The following DPP10 variants were observed in gnomAD, a reference collection of about 807,000 sequenced individuals.
DPP10 encodes inactive dipeptidyl peptidase 10.
A neutral mutation model predicts 120.9 loss-of-function variants in DPP10; 33 were observed. The ratio of observed to expected loss-of-function variants is 0.27; its 90% CI spans 0.21 to 0.37. The LOEUF is 0.37. Among genes scored for constraint, DPP10 ranks in the 10% least tolerant of loss-of-function variants. DPP10 has a pLI of 1.00. For missense variants in DPP10, 816 were observed against 942.8 expected, an observed-to-expected ratio of 0.87 and a Z score of 1.76; for synonymous variants, 337 against 326.1, an observed-to-expected ratio of 1.03 and a Z score of -0.36.
At chr2:115,241,380 G>GT (rs2058271803) in intron 1 of DPP10, among the ~76,000 whole-genome samples, 1 of 152,306 alleles carries the variant, frequency 6.6e-6, no homozygotes, top group South Asian at 2.1e-4. Context: ...CTTGGTAGTT[G>GT]TAAGTTTCTT....
rs560719185 is a variant in DPP10, at chr2:115,157,096, A to G, written c.61-152143A>G. On this transcript the variant is annotated intron_variant, in intron 1 of 25. Transcript: ENST00000410059. ...AGCAGGTAAATTTCTCACGTTCTCA[A>G]GTTGTTTTGGTGTTACAATTCAGCT... Among the ~76,000 whole-genome samples, 8 of 152,264 alleles carry G rather than the reference A, an allele frequency of 5.3e-5. No individual in the cohort carries two copies. The East Asian group carries it at 1.5e-3, about 29-fold the overall frequency.
rs780580969 is a variant in DPP10 at position 115,842,349 on chromosome 2, A to G, written c.*4A>G. ...GGAACCAGAAGAAGATGAATAATGG[A>G]CTGTATTTATACAGAACTGAAGGGA... is the stretch of plus-strand genomic sequence containing the variant. On this transcript the variant is annotated 3_prime_UTR_variant, in exon 26 of 26. Coordinates refer to ENST00000410059, the MANE Select transcript of DPP10 (RefSeq NM_020868.6). 1.9e-6 allele frequency: 3 copies of G among 1,613,458 alleles called. No homozygotes were observed. The highest frequency in any genetic ancestry group is 2.5e-6 in the Non-Finnish European group (3 of 1,179,728).
chr2:115,417,882 G>T (rs2069572943), intron 3 of DPP10, among the ~76,000 whole-genome samples: 1 of 152,152 alleles, frequency 6.6e-6, no homozygotes, highest in South Asian at 2.1e-4. Context: ...TCCGTCTGAT[G>T]TATTTCTCTT....
At chr2:115,211,239 T>TA (rs932343148) in intron 1 of DPP10, among the ~76,000 whole-genome samples, 3 of 11,820 alleles carry the variant, frequency 2.5e-4, no homozygotes, top group African/African-American at 5.6e-4. Context: ...GTCTTACTGA[T>TA]TTTTTTTTTT....
intron 1 of DPP10, among the ~76,000 whole-genome samples, chr2:114,970,396 T>G (rs1699315275): frequency 6.6e-6 from 1 of 152,170 alleles, no homozygotes; most frequent in African/African-American, 2.4e-5. Context: ...CCCCACCTTA[T>G]AAGAGTAAAA....
At chr2:114,976,644 A>G (rs1428825666) in intron 1 of DPP10, among the ~76,000 whole-genome samples, 1 of 152,220 alleles carries the variant, frequency 6.6e-6, no homozygotes, top group Non-Finnish European at 1.5e-5. Flanking sequence ...TGAAAACAGC[A>G]TACTTTTTCC....
intron 5 of DPP10, among the ~76,000 whole-genome samples, chr2:115,624,711 C>T (rs2085225704): frequency 6.6e-6 from 1 of 152,116 alleles, no homozygotes; most frequent in Non-Finnish European, 1.5e-5. Flanking sequence ...AATATAGTTA[C>T]CAACCTATAA....
intron 5 of DPP10, among the ~76,000 whole-genome samples, chr2:115,631,259 T>C (rs1426099818): frequency 6.6e-6 from 1 of 152,058 alleles, no homozygotes; most frequent in African/African-American, 2.4e-5. Flanking sequence ...CTTTAGGGTC[T>C]GTGGTGATAT....
chr2:114,471,543 A>AT (rs1305023992), intron 1 of DPP10, among the ~76,000 whole-genome samples: 1 of 152,188 alleles, frequency 6.6e-6, no homozygotes, highest in African/African-American at 2.4e-5. Context: ...ATGCTAAAAT[A>AT]TTTTTTGAAG....
intron 3 of DPP10, among the ~76,000 whole-genome samples, chr2:115,393,990 T>G (rs1457318129): frequency 6.6e-6 from 1 of 152,090 alleles, no homozygotes; most frequent in Non-Finnish European, 1.5e-5. Context: ...ATAGGGGAGA[T>G]GAAGATTGGT....
intron 2 of DPP10, among the ~76,000 whole-genome samples, chr2:115,333,947 A>C (rs1290430358): frequency 6.6e-6 from 1 of 151,792 alleles, no homozygotes; most frequent in African/African-American, 2.4e-5. Flanking sequence ...TAGGGAAAAA[A>C]AGAGTAAAAA....
chr2:115,514,606 T>A (rs1478430002), intron 4 of DPP10, among the ~76,000 whole-genome samples: 1 of 151,820 alleles, frequency 6.6e-6, no homozygotes, highest in Non-Finnish European at 1.5e-5. Flanking sequence ...ATGAAGTTCA[T>A]TAGATACATG....
intron 1 of DPP10, among the ~76,000 whole-genome samples, chr2:115,287,918 A>G (rs2060470625): frequency 6.6e-6 from 1 of 152,116 alleles, no homozygotes; most frequent in South Asian, 2.1e-4. Context: ...CCACTTATCT[A>G]TTGATAGGCA....
chr2:115,356,589 T>C (rs949184213), intron 3 of DPP10, among the ~76,000 whole-genome samples: 2 of 152,168 alleles, frequency 1.3e-5, no homozygotes, highest in African/African-American at 4.8e-5. Flanking sequence ...TCCAATACTA[T>C]CTTGAATAGG....
chr2:114,821,762 C>T (rs1686107264), intron 1 of DPP10, among the ~76,000 whole-genome samples: 1 of 152,152 alleles, frequency 6.6e-6, no homozygotes, highest in Non-Finnish European at 1.5e-5. Flanking sequence ...AGTCCAAAAT[C>T]CAATAGGGTA....
At chr2:115,779,386 A>G (rs1201743345) in intron 15 of DPP10, among the ~76,000 whole-genome samples, 3 of 152,100 alleles carry the variant, frequency 2.0e-5, no homozygotes, top group Non-Finnish European at 4.4e-5. Flanking sequence ...AAATGCAATC[A>G]ATGTCTTGCC....
chr2:115,459,405 C>T (rs1024194093), intron 3 of DPP10, among the ~76,000 whole-genome samples: 21 of 152,130 alleles, frequency 1.4e-4, no homozygotes, highest in Admixed American at 3.9e-4. Flanking sequence ...GATCCACCCA[C>T]CTCAGCCTCC....
At chr2:114,464,151 C>A (rs1679157814) in intron 1 of DPP10, among the ~76,000 whole-genome samples, 1 of 152,154 alleles carries the variant, frequency 6.6e-6, no homozygotes, top group Non-Finnish European at 1.5e-5. Flanking sequence ...GGGTAAATAC[C>A]TAAAATTGCA....
At chr2:115,118,386 TTAGC>T (rs1164305890) in intron 1 of DPP10, among the ~76,000 whole-genome samples, 1 of 152,218 alleles carries the variant, frequency 6.6e-6, no homozygotes, top group Non-Finnish European at 1.5e-5. Flanking sequence ...TGCTCACTGG[TTAGC>T]TAAGCAATAT....
Sources: gnomAD v4.1 joint callset for allele counts (sites outside exome capture counted in the v4.1 genomes callset) on GRCh38, gnomAD v4.1.1 for gene constraint, MANE v1.5 for transcripts, NCBI Gene and HGNC (gene_info 2026-07-23, HGNC 2026-07-21) for gene names.